The following OTOG variants were observed in gnomAD, a reference collection of about 807,000 sequenced individuals.
OTOG encodes the protein otogelin.
OTOG carries 296 observed loss-of-function variants against 313.8 expected under a neutral mutation model. The observed-to-expected ratio is 0.94, with a 90% CI of 0.86 to 1.04. The LOEUF (loss-of-function observed/expected upper bound fraction) is 1.04. Ranked by LOEUF, OTOG falls within the 50% of genes least tolerant of loss-of-function variation. OTOG has a pLI of 0.00. For synonymous variants in OTOG, 1,533 were observed against 1,554.9 expected, an observed-to-expected ratio of 0.99 and a Z score of 0.33; for missense variants, 3,948 against 3,840.1, an observed-to-expected ratio of 1.03 and a Z score of -0.74.
In OTOG at chr11:17,612,675, A is replaced by G; in HGVS notation, c.6348A>G (p.Val2116=). The G allele has an allele frequency of 6.4e-7, 1 of 1,550,592 alleles. No individual in the cohort carries two copies. The highest frequency in any genetic ancestry group is 8.7e-7 in the Non-Finnish European group (1 of 1,146,982). ...TCGTGACCTTCGATGGGAGCCACGTAGCTCTGTTCAAGGAGGCCATCTACA... is the reference window on the plus strand; with the variant it reads ...TCGTGACCTTCGATGGGAGCCACGTGGCTCTGTTCAAGGAGGCCATCTACA... ...LSFVTFDGSH[V]ALFKEAIYIL... Residue 2116 remains valine (V), a synonymous_variant, in exon 38 of 56, where the codon GTA becomes GTG. Coordinates refer to ENST00000399397, the MANE Select transcript of OTOG (RefSeq NM_001292063.2).
Position 17,642,182 on chromosome 11 carries a change from T to C in OTOG, c.8351T>C (p.Leu2784Pro), listed in dbSNP as rs1346570973. ...CARHHCSSTPLGAVLVRSPIS... is the reference protein window; with the variant it reads ...CARHHCSSTPPGAVLVRSPIS... The stretch of plus-strand genomic sequence containing the variant: ...CGCCACCACTGCAGCAGCACGCCCC[T>C]GGGTGCCGTGCTGGTCCGCTCTCCC... Residue 2784 changes from leucine to proline, a missense_variant, in exon 53 of 56, where the codon CTG becomes CCG. Physicochemically the swap from Leu to Pro is moderately conservative, Grantham distance 98. Coordinates refer to ENST00000399397, the MANE Select transcript of OTOG (RefSeq NM_001292063.2). 4.5e-6 allele frequency: 7 copies of C among 1,550,296 alleles called. No individual in the cohort carries two copies. The highest frequency in any genetic ancestry group is 6.1e-6 in the Non-Finnish European group (7 of 1,146,806).
Position 17,560,829 on chromosome 11 carries a change from C to T in OTOG, c.1451+12C>T. On this transcript the variant is annotated intron_variant, in intron 13 of 55. Transcript: ENST00000399397. ...GACTGCAATACTTGGTCTGTGTCTG[C>T]TGCCGGGAAGCAGGGTGTGGGGCAT... 6.5e-7 allele frequency: 1 copy of T among 1,544,646 alleles called. No individual in the cohort carries two copies. Among genetic ancestry groups the T allele is most frequent in the East Asian group, 2.4e-5 (1 of 40,892 alleles).
In OTOG at chr11:17,596,901, C is replaced by T. The variant is rs569822555; in HGVS notation, c.3576C>T (p.Cys1192=). The part of the protein sequence containing the change: ...YSNCLTDTCG[C]SQGGDCECFC... ...ACTGCCTGACAGACACATGTGGCTGCAGCCAGGGTGGTGACTGTGAGTGCT... is the reference window on the plus strand; with the variant it reads ...ACTGCCTGACAGACACATGTGGCTGTAGCCAGGGTGGTGACTGTGAGTGCT... The change falls in exon 30 of 56, where the codon TGC becomes TGT. Residue 1192 remains cysteine, a synonymous_variant. Transcript: ENST00000399397. 4.5e-6 allele frequency: 7 copies of T among 1,551,060 alleles called. No individual in the cohort carries two copies. The African/African-American group carries it at 5.5e-5, about 12-fold the overall frequency.
At chr11:17,607,008 G>C (rs904974290) in intron 33 of OTOG, among the ~76,000 whole-genome samples, 1 of 152,220 alleles carries the variant, frequency 6.6e-6, no homozygotes, top group African/African-American at 2.4e-5. Flanking sequence ...CCCAGGCTTT[G>C]AAGCTGGACA....
At chr11:17,586,955 C>A (rs781233391) in intron 24 of OTOG, among the ~76,000 whole-genome samples, 1 of 151,270 alleles carries the variant, frequency 6.6e-6, no homozygotes, top group Non-Finnish European at 1.5e-5. Flanking sequence ...ATTCACAAAT[C>A]TCAATATGTC....
rs1449116339 is a variant in OTOG at position 17,613,666 on chromosome 11, G to A, written c.6493G>A (p.Ala2165Thr). 1 of 1,550,742 alleles carries A rather than the reference G, an allele frequency of 6.4e-7. No individual in the cohort carries two copies. Among genetic ancestry groups the A allele is most frequent in the Non-Finnish European group, 8.7e-7 (1 of 1,147,032 alleles). ...GGTGATGTTGAACATGACTCACTTG[G>A]CCCATCAGGTCACTATTGATCGCTT... ...CLVMLNMTHL[A>T]HQVTIDRFNR... Residue 2165 changes from alanine to threonine, a missense_variant, in exon 39 of 56, where the codon GCC (alanine) becomes ACC (threonine). Transcript: ENST00000399397.
intron 38 of OTOG, among the ~76,000 whole-genome samples, chr11:17,613,264 T>TC (rs1491542202): frequency 6.8e-6 from 1 of 147,882 alleles, no homozygotes; most frequent in African/African-American, 2.6e-5. Flanking sequence ...TCTTTCTTTC[T>TC]TTCTCTCTCT....
In OTOG at chr11:17,615,500, G is replaced by A. The variant is rs146136220; in HGVS notation, c.6528+1799G>A. On this transcript the variant is annotated intron_variant, in intron 39 of 55. Coordinates refer to ENST00000399397, the MANE Select transcript of OTOG (RefSeq NM_001292063.2). ...TAGGTATTACTTTTATGTGTATGTTGCATTTTAGGTTAATTTTTGTAAATG... is the reference window on the plus strand; with the variant it reads ...TAGGTATTACTTTTATGTGTATGTTACATTTTAGGTTAATTTTTGTAAATG... Among the ~76,000 whole-genome samples the A allele has an allele frequency of 2.0e-3, 302 of 152,208 alleles. 1 individual carries two copies. The highest frequency in any genetic ancestry group is 7.1e-3 in the African/African-American group (296 of 41,528).
chr11:17,577,048 T>A (rs1852545953), intron 22 of OTOG, 137 bp downstream of exon 22: 2 of 894,738 alleles, frequency 2.2e-6, no homozygotes, highest in South Asian at 1.8e-5. Flanking sequence ...TTCCTTGCCC[T>A]CTTGGCAAAG....
chr11:17,592,671 G>T (rs1852977617), intron 25 of OTOG, among the ~76,000 whole-genome samples: 1 of 152,162 alleles, frequency 6.6e-6, no homozygotes. Flanking sequence ...CTTTTGAACA[G>T]CTGTGTAGAA....
chr11:17,597,047 GTGT>G (rs1853128773), intron 30 of OTOG, 40 bp downstream of exon 30: 1 of 1,543,376 alleles, frequency 6.5e-7, no homozygotes, highest in Admixed American at 2.0e-5. Context: ...ACAGAGTAGA[GTGT>G]CACCTGTGGG....
At chr11:17,622,893 C>T (rs1298518251) in intron 39 of OTOG, among the ~76,000 whole-genome samples, 1 of 152,158 alleles carries the variant, frequency 6.6e-6, no homozygotes, top group Non-Finnish European at 1.5e-5. Flanking sequence ...TATGGTAGCT[C>T]TATTTTTAGT....
In OTOG at chr11:17,557,212, GA is replaced by G. The variant is rs1270911408; in HGVS notation, c.755del (p.Asp252ValfsTer10). On this transcript the variant is annotated frameshift_variant, in exon 8 of 56. Transcript: ENST00000399397. LOFTEE classifies it high-confidence loss of function. ...TCAGTCAGCCTTCACACTGGCCTGG[GA>G]TGGTGCCTCGGCTGTCTACATCAAG... ...RHQSAFTLAW[D>X]GASAVYIKMS... is the part of the protein sequence containing the mutation. 1.0e-5 allele frequency: 16 copies of G among 1,550,542 alleles called. No homozygotes were observed. The highest frequency in any genetic ancestry group is 1.4e-5 in the African/African-American group (1 of 73,044).
chr11:17,601,936 G>T (rs1003766360), intron 31 of OTOG, among the ~76,000 whole-genome samples: 22 of 152,148 alleles, frequency 1.4e-4, no homozygotes, highest in African/African-American at 4.8e-4. Flanking sequence ...GGGCCCAGGT[G>T]CTCCCTGTGG....
At chr11:17,561,863 C>T in intron 15 of OTOG, 56 bp downstream of exon 15, 2 of 1,542,868 alleles carry the variant, frequency 1.3e-6, no homozygotes, top group Non-Finnish European at 1.7e-6. Context: ...CCTACTGCCC[C>T]CAAGAGAGAC....
Position 17,570,296 on chromosome 11 carries a change from G to A in OTOG, c.1861G>A (p.Gly621Arg). 6.4e-7 allele frequency: 1 copy of A among 1,550,804 alleles called. No individual in the cohort carries two copies. The highest frequency in any genetic ancestry group is 8.7e-7 in the Non-Finnish European group (1 of 1,147,022). ...CGTGCGGGTGCTCTACGACCGTGAAGGGCTCCGACTGTACCTGCAAGTGGA... is the reference window on the plus strand; with the variant it reads ...CGTGCGGGTGCTCTACGACCGTGAAAGGCTCCGACTGTACCTGCAAGTGGA... Reference protein sequence around the residue: ...VGVRVLYDREGLRLYLQVDQR... With the variant: ...VGVRVLYDRERLRLYLQVDQR... The change falls in exon 17 of 56, where the codon GGG becomes AGG. Residue 621 changes from glycine to arginine, a missense_variant. Coordinates refer to ENST00000399397, the MANE Select transcript of OTOG (RefSeq NM_001292063.2).
At chr11:17,633,901 G>A in intron 43 of OTOG, 27 bp downstream of exon 43, 1 of 1,506,520 alleles carries the variant, frequency 6.6e-7, no homozygotes, top group Non-Finnish European at 8.9e-7. Context: ...CCTGAGTGGG[G>A]GGCCTCCAAA....
At chr11:17,554,096 G>A (rs1156559056) in intron 6 of OTOG, among the ~76,000 whole-genome samples, 1 of 152,140 alleles carries the variant, frequency 6.6e-6, no homozygotes, top group Non-Finnish European at 1.5e-5. Flanking sequence ...TGGGGAAAAA[G>A]ATCATTGGGT....
In OTOG at chr11:17,572,071, T is replaced by C. The variant is rs1852416477; in HGVS notation, c.1956-9T>C. ...CAAGTGTGTGAATATGGCTGTGACA[T>C]GGCTGCAGGTCTCCAGTGGGTGTAC... On this transcript the variant is annotated splice_polypyrimidine_tract_variant and intron_variant, in intron 17 of 55. Transcript: ENST00000399397. 1.3e-6 allele frequency: 2 copies of C among 1,550,378 alleles called. No individual in the cohort carries two copies. Among genetic ancestry groups the C allele is most frequent in the Non-Finnish European group, 1.7e-6 (2 of 1,146,888 alleles).
Sources: allele counts gnomAD v4.1 joint callset (sites outside exome capture counted in the v4.1 genomes callset), GRCh38; gene constraint gnomAD v4.1.1; transcripts MANE v1.5; gene names NCBI Gene and HGNC (gene_info 2026-07-23, HGNC 2026-07-21).